The following MYCBP variants were observed in gnomAD, a reference collection of about 807,000 sequenced individuals.
MYCBP encodes MYC binding protein, also known as C-Myc-binding protein.
In MYCBP, 5 loss-of-function variants were observed where a neutral mutation model predicts 16.8. The ratio of observed to expected loss-of-function variants is 0.30; its 90% CI spans 0.16 to 0.63. The LOEUF (loss-of-function observed/expected upper bound fraction) is 0.63. MYCBP is among the 20% of genes least tolerant of loss of function. The pLI is 0.83. For synonymous variants in MYCBP, 35 were observed against 43.7 expected, an observed-to-expected ratio of 0.80 and a Z score of 0.79; for missense variants, 103 against 121.8, an observed-to-expected ratio of 0.85 and a Z score of 0.73.
chr1:38,873,275 G>A lies in MYCBP; in HGVS notation c.15+16C>T, dbSNP rs1024257766. The A allele has an allele frequency of 3.1e-6, 5 of 1,599,952 alleles. No individual in the cohort carries two copies. Among genetic ancestry groups the A allele is most frequent in the African/African-American group, 1.3e-5 (1 of 74,830 alleles). ...CTACCGCCCGCATGCCCCCAGCCAC[G>A]CCGCGCCCCCCTCACTTTGTAATGG... On this transcript the variant is annotated intron_variant, in intron 1 of 4. Transcript: ENST00000397572.
chr1:38,866,677 A>G (rs764515969), intron 4 of MYCBP, among the ~76,000 whole-genome samples: 29 of 152,040 alleles, frequency 1.9e-4, no homozygotes, highest in Non-Finnish European at 2.6e-4. Flanking sequence ...GGCCTCCCAA[A>G]GTGCTGGGAT....
At position 38,863,121 on chromosome 1, in the gene MYCBP, A is replaced by T. The variant is rs2124245942; in HGVS notation, c.*1549T>A. Reference sequence around the variant, plus strand: ...CTGCTGCCCATGTAGGAGGCACTCAAATTGGTAAAAGAGAAATCTATGCAA... The same window carrying T: ...CTGCTGCCCATGTAGGAGGCACTCATATTGGTAAAAGAGAAATCTATGCAA... On this transcript the variant is annotated 3_prime_UTR_variant, in exon 5 of 5. Coordinates refer to ENST00000397572, the MANE Select transcript of MYCBP (RefSeq NM_012333.5). 1 of 152,316 alleles carries T rather than the reference A, an allele frequency of 6.6e-6. No individual in the cohort carries two copies. 9.4% of individuals were successfully genotyped at this position (152,316 alleles called of 1,614,324 possible). A position where few individuals can be genotyped will look rare whatever the true frequency, so the allele number is the denominator to read the frequency against.
rs3828041 is a variant in MYCBP at position 38,864,727 on chromosome 1, G to A, written c.268-13C>T. On this transcript the variant is annotated splice_polypyrimidine_tract_variant and intron_variant, in intron 4 of 4. Transcript: ENST00000397572. ...CATACTGAGCAAGCTATGGGGCAAA[G>A]ACAGAGGAATTTAGGTGAATTTTAT... The A allele has an allele frequency of 0.19, 301,797 of 1,609,936 alleles. 30,749 individuals are homozygous for A. The highest frequency in any genetic ancestry group is 0.21 in the Non-Finnish European group (248,181 of 1,176,476).
intron 2 of MYCBP, chr1:38,872,691 CG>C: frequency 2.8e-6 from 1 of 362,322 alleles, no homozygotes. Context: ...CCATAAAAAC[CG>C]TAAGGTGGGA....
intron 2 of MYCBP, chr1:38,872,630 T>A (rs1315291625): frequency 4.8e-6 from 1 of 209,062 alleles, no homozygotes; most frequent in Non-Finnish European, 9.6e-6. Flanking sequence ...CGGTCATTTT[T>A]CCAGTTGCTC....
At chr1:38,872,986 G>A (rs921838149) in intron 2 of MYCBP, 32 bp downstream of exon 2, 1 of 1,555,526 alleles carries the variant, frequency 6.4e-7, no homozygotes, top group Admixed American at 1.9e-5. Flanking sequence ...CACGACGAGG[G>A]CACGAGGTAC....
chr1:38,866,573 T>G (rs1004206672), intron 4 of MYCBP, among the ~76,000 whole-genome samples: 5 of 151,998 alleles, frequency 3.3e-5, no homozygotes, highest in African/African-American at 9.7e-5. Flanking sequence ...CATGCCACCA[T>G]GCCCGGCTAA....
Position 38,866,969 on chromosome 1 carries a change from G to T in MYCBP, c.178C>A (p.Pro60Thr). The T allele has an allele frequency of 1.2e-6, 2 of 1,610,808 alleles. No individual in the cohort carries two copies. The highest frequency in any genetic ancestry group is 2.2e-5 in the South Asian group (2 of 90,538). The part of the protein sequence containing the change: ...HHLGAATPEN[P>T]EIELLRLELA... ...TCTAGGCGAAGCAGCTCTATTTCTG[G>T]ATTTTCTGGAGTAGCAGCTCCTAAG... The change falls in exon 4 of 5, where the codon CCA (proline) becomes ACA (threonine). Residue 60 changes from proline (P) to threonine (T), a missense_variant. Transcript: ENST00000397572.
chr1:38,865,664 TG>T, intron 4 of MYCBP, among the ~76,000 whole-genome samples: 1 of 152,010 alleles, frequency 6.6e-6, no homozygotes, highest in African/African-American at 2.4e-5. Flanking sequence ...TAGCCGAGCA[TG>T]GTGGCAAATG....
chr1:38,866,426 TA>T (rs1428599485), intron 4 of MYCBP, among the ~76,000 whole-genome samples: 2 of 150,944 alleles, frequency 1.3e-5, no homozygotes, highest in African/African-American at 4.9e-5. Flanking sequence ...TTTTTTTTTT[TA>T]ACCCCCCTAG....
chr1:38,873,310 A>ACAGCGG lies in MYCBP; in HGVS notation c.-11_-6dup. ...CCTCACTTTGTAATGGGCCATAGTG[A>ACAGCGG]CAGCGGCAGCGGCGTAGCTGGCGCC... On this transcript the variant is annotated 5_prime_UTR_variant, in exon 1 of 5. Transcript: ENST00000397572. 6.2e-7 allele frequency: 1 copy of ACAGCGG among 1,602,376 alleles called. No individual in the cohort carries two copies.
chr1:38,873,056 T>C lies in MYCBP; in HGVS notation c.50A>G (p.Tyr17Cys), dbSNP rs1050783591. ...GTCCAGCACCCCCGACTTCTCCAAGTACCTCCGGAACTGCTCACGCTTCGA... is the reference window on the plus strand; with the variant it reads ...GTCCAGCACCCCCGACTTCTCCAAGCACCTCCGGAACTGCTCACGCTTCGA... ...ADSKREQFRR[Y>C]LEKSGVLDTL... is the part of the protein sequence containing the mutation. Residue 17 changes from tyrosine to cysteine, a missense_variant, in exon 2 of 5, where the codon TAC (tyrosine) becomes TGC (cysteine). Transcript: ENST00000397572. The C allele has an allele frequency of 6.4e-7, 1 of 1,574,734 alleles. No homozygotes were observed. Among genetic ancestry groups the C allele is most frequent in the Non-Finnish European group, 8.6e-7 (1 of 1,160,294 alleles).
At chr1:38,872,662 TAAC>T (rs1167095483) in intron 2 of MYCBP, 2 of 249,496 alleles carry the variant, frequency 8.0e-6, no homozygotes, top group African/African-American at 2.2e-5. Flanking sequence ...GAAACTTTCT[TAAC>T]AAGATTCTGA....
chr1:38,870,043 A>G (rs1642426761), intron 2 of MYCBP, among the ~76,000 whole-genome samples: 1 of 151,334 alleles, frequency 6.6e-6, no homozygotes, highest in African/African-American at 2.4e-5. Context: ...GGTGGCAGGC[A>G]CCTGTAGTCC....
chr1:38,867,522 G>C (rs200691739), intron 3 of MYCBP, 40 bp downstream of exon 3: 2 of 1,510,178 alleles, frequency 1.3e-6, no homozygotes, highest in Non-Finnish European at 1.8e-6. Context: ...AAAAAAATAA[G>C]AGTTTCAAAA....
At chr1:38,872,867 G>C in intron 2 of MYCBP, 151 bp downstream of exon 2, 2 of 848,036 alleles carry the variant, frequency 2.4e-6, no homozygotes, top group East Asian at 2.7e-5. Context: ...CAGCAGCCAG[G>C]TCCCTGCTGA....
At chr1:38,867,985 T>C (rs1474506182) in intron 2 of MYCBP, among the ~76,000 whole-genome samples, 1 of 152,150 alleles carries the variant, frequency 6.6e-6, no homozygotes, top group African/African-American at 2.4e-5. Context: ...AAACAATGTA[T>C]TGAGGAACTG....
rs1226063482 is a variant in MYCBP, at chr1:38,864,083, A to G, written c.*587T>C. The G allele has an allele frequency of 1.3e-5, 2 of 153,262 alleles. No homozygotes were observed. Among genetic ancestry groups the G allele is most frequent in the African/African-American group, 4.8e-5 (2 of 41,466 alleles). 9.5% of individuals were successfully genotyped at this position (153,262 alleles called of 1,614,324 possible). A position where few individuals can be genotyped will look rare whatever the true frequency, so the allele number is the denominator to read the frequency against. On this transcript the variant is annotated 3_prime_UTR_variant, in exon 5 of 5. Coordinates refer to ENST00000397572, the MANE Select transcript of MYCBP (RefSeq NM_012333.5). ...GGAAAGCAATGCAAGATTATCAGAC[A>G]GGCATGATTGCATAGAAGGAAAATG...
intron 2 of MYCBP, among the ~76,000 whole-genome samples, chr1:38,867,851 G>C (rs772878192): frequency 6.6e-6 from 1 of 152,228 alleles, no homozygotes; most frequent in Non-Finnish European, 1.5e-5. Flanking sequence ...ATGGGTTGCA[G>C]TAGCACACTG....
Sources: gnomAD v4.1 joint callset for allele counts (sites outside exome capture counted in the v4.1 genomes callset) on GRCh38, gnomAD v4.1.1 for gene constraint, MANE v1.5 for transcripts, NCBI Gene and HGNC (gene_info 2026-07-23, HGNC 2026-07-21) for gene names.